Variants in WFIKKN2 observed in about 807,000 individuals in gnomAD.
The protein encoded by WFIKKN2 is WAP, Kazal, immunoglobulin, Kunitz and NTR domain-containing protein 2.
In WFIKKN2, 25 loss-of-function variants were observed where a neutral mutation model predicts 39.2. That is an observed-to-expected ratio of 0.64 (90% CI 0.47 to 0.89). The LOEUF (loss-of-function observed/expected upper bound fraction) is 0.89, where lower values mean the gene tolerates loss of function less well. Ranked by LOEUF, WFIKKN2 falls within the 40% of genes least tolerant of loss-of-function variation. The probability of loss-of-function intolerance (pLI) is 0.00; values close to 1 mark genes in which losing one functional copy is unlikely to be tolerated. For missense variants in WFIKKN2, 770 were observed against 811.7 expected, an observed-to-expected ratio of 0.95 and a Z score of 0.62; for synonymous variants, 345 against 329.7, an observed-to-expected ratio of 1.05 and a Z score of -0.50.
chr17:50,834,944 A>G (rs1046497666), upstream of WFIKKN2: 4 of 151,218 alleles, frequency 2.6e-5, no homozygotes, highest in South Asian at 2.1e-4. Context: ...ATCCTGAGAC[A>G]CTGTGACCGC....
intron 1 of WFIKKN2, 134 bp downstream of exon 1, chr17:50,836,281 G>A (rs915334194): frequency 1.6e-5 from 17 of 1,072,114 alleles, no homozygotes; most frequent in Admixed American, 7.0e-5. Context: ...AGTGTGAGGC[G>A]GACCAGGTGA....
chr17:50,839,484 C>A lies in WFIKKN2; in HGVS notation c.211-15C>A. The stretch of plus-strand genomic sequence containing the variant: ...TCCTTCTCCCTGTTCAGGCCACTCT[C>A]TCTGGCTCTTTCAGGAGTGTGAGAC... On this transcript the variant is annotated splice_polypyrimidine_tract_variant and intron_variant, in intron 1 of 1. Coordinates refer to ENST00000311378, the MANE Select transcript of WFIKKN2 (RefSeq NM_175575.6). The A allele has an allele frequency of 6.2e-7, 1 of 1,604,008 alleles. No homozygotes were observed. The highest frequency in any genetic ancestry group is 8.5e-7 in the Non-Finnish European group (1 of 1,173,934).
rs762100144 is a variant in WFIKKN2, at chr17:50,841,004, T to A, written c.1716T>A (p.Phe572Leu). The change falls in exon 2 of 2, where the codon TTT (phenylalanine) becomes TTA (leucine). Residue 572 changes from phenylalanine to leucine, a missense_variant. By Grantham distance (22) the Phe-to-Leu change is conservative. Transcript: ENST00000311378. ...AGACCTGTGACGTCCTCAAGGAGTT[T>A]CTTGGCTTGCACTGAAGCCCCCCAC... Reference protein sequence around the residue: ...HKKTCDVLKEFLGLH With the variant: ...HKKTCDVLKELLGLH 2 of 1,537,156 alleles carry A rather than the reference T, an allele frequency of 1.3e-6. No individual in the cohort carries two copies. Among genetic ancestry groups the A allele is most frequent in the South Asian group, 2.5e-5 (2 of 79,754 alleles).
In WFIKKN2 at chr17:50,835,912, G is replaced by C; in HGVS notation, c.-26G>C. 1 of 1,600,860 alleles carries C rather than the reference G, an allele frequency of 6.2e-7. No homozygotes were observed. Among genetic ancestry groups the C allele is most frequent in the Non-Finnish European group, 8.5e-7 (1 of 1,172,386 alleles). ...CAGACCCTGGCATCGTTTCAGGGGA[G>C]GTCTCTAGCCGCCCCAGCCTGCACC... On this transcript the variant is annotated 5_prime_UTR_variant, in exon 1 of 2. Coordinates refer to ENST00000311378, the MANE Select transcript of WFIKKN2 (RefSeq NM_175575.6).
Position 50,841,120 on chromosome 17 carries a change from C to T in WFIKKN2, c.*101C>T. 8.1e-7 allele frequency: 1 copy of T among 1,241,412 alleles called. No individual in the cohort carries two copies. The highest frequency in any genetic ancestry group is 1.1e-6 in the Non-Finnish European group (1 of 918,740). The allele number at this position is 1,241,412 out of a possible 1,614,324, so 76.9% of individuals were successfully genotyped here. On this transcript the variant is annotated 3_prime_UTR_variant, in exon 2 of 2. Transcript: ENST00000311378. ...GAGGTCAGATTAGACAGGCTTGGGACAGCAGGGAAACATCAACCGACGTGT... is the reference window on the plus strand; with the variant it reads ...GAGGTCAGATTAGACAGGCTTGGGATAGCAGGGAAACATCAACCGACGTGT...
At chr17:50,837,823 G>C (rs970468469) in intron 1 of WFIKKN2, among the ~76,000 whole-genome samples, 3 of 152,244 alleles carry the variant, frequency 2.0e-5, no homozygotes, top group Non-Finnish European at 4.4e-5. Context: ...CCAAGGTCAT[G>C]CCATTAGTTG....
chr17:50,838,002 C>A (rs910294895), intron 1 of WFIKKN2, among the ~76,000 whole-genome samples: 2 of 152,130 alleles, frequency 1.3e-5, no homozygotes, highest in African/African-American at 4.8e-5. Flanking sequence ...TCTAAGGACC[C>A]CCTGTAGGTT....
At chr17:50,836,201 G>A in intron 1 of WFIKKN2, 54 bp downstream of exon 1, 1 of 1,589,272 alleles carries the variant, frequency 6.3e-7, no homozygotes. Flanking sequence ...GAGTGACGGG[G>A]GTGGGAGCCG....
At chr17:50,838,672 T>C (rs992774663) in intron 1 of WFIKKN2, among the ~76,000 whole-genome samples, 1 of 152,186 alleles carries the variant, frequency 6.6e-6, no homozygotes, top group Non-Finnish European at 1.5e-5. Flanking sequence ...AAGGGGACTT[T>C]TTTTCTTGTT....
Position 50,840,845 on chromosome 17 carries a change from C to A in WFIKKN2, c.1557C>A (p.Asn519Lys). The A allele has an allele frequency of 1.2e-6, 2 of 1,611,958 alleles. No individual in the cohort carries two copies. The highest frequency in any genetic ancestry group is 2.2e-5 in the East Asian group (1 of 44,786). Residue 519 changes from asparagine (N) to lysine (K), a missense_variant, in exon 2 of 2, where the codon AAC becomes AAA. Transcript: ENST00000311378. Reference protein sequence around the residue: ...LHVDWACPCPNVTVSEMPLII... With the variant: ...LHVDWACPCPKVTVSEMPLII... The stretch of plus-strand genomic sequence containing the variant: ...TGGACTGGGCATGCCCCTGCCCCAA[C>A]GTGACCGTGAGCGAGATGCCGCTCA...
In WFIKKN2 at chr17:50,835,635, A is replaced by G; in HGVS notation, c.-303A>G. 1 of 410,028 alleles carries G rather than the reference A, an allele frequency of 2.4e-6. No individual in the cohort carries two copies. Among genetic ancestry groups the G allele is most frequent in the Middle Eastern group, 6.2e-4 (1 of 1,626 alleles). 25.4% of individuals were successfully genotyped at this position (410,028 alleles called of 1,614,324 possible). On this transcript the variant is annotated 5_prime_UTR_variant, in exon 1 of 2. Coordinates refer to ENST00000311378, the MANE Select transcript of WFIKKN2 (RefSeq NM_175575.6). ...ACAGGCATCAGGTTAGCTGGCTCCC[A>G]CTCGGGTGGCGCGCCCAGGATATAA...
At position 50,841,078 on chromosome 17, in the gene WFIKKN2, C is replaced by A; in HGVS notation, c.*59C>A. On this transcript the variant is annotated 3_prime_UTR_variant, in exon 2 of 2. Transcript: ENST00000311378. ...TTCTTCCACCTATCCACCCCAATGC[C>A]TCTCAGCAAACTGGGCGAGGTCAGA... 2 of 1,471,134 alleles carry A rather than the reference C, an allele frequency of 1.4e-6. No individual in the cohort carries two copies. The highest frequency in any genetic ancestry group is 1.8e-6 in the Non-Finnish European group (2 of 1,103,844). The allele number at this position is 1,471,134 out of a possible 1,614,324, so 91.1% of individuals were successfully genotyped here.
rs1406687845 is a variant in WFIKKN2, at chr17:50,841,192, G to T, written c.*173G>T. 3.4e-6 allele frequency: 2 copies of T among 595,420 alleles called. No individual in the cohort carries two copies. The highest frequency in any genetic ancestry group is 5.5e-6 in the Non-Finnish European group (2 of 363,514). 36.9% of individuals were successfully genotyped at this position (595,420 alleles called of 1,614,324 possible). On this transcript the variant is annotated 3_prime_UTR_variant, in exon 2 of 2. Coordinates refer to ENST00000311378, the MANE Select transcript of WFIKKN2 (RefSeq NM_175575.6). ...TCTCAGATCAGCATCTATTCTTTGG[G>T]TTCAATAAGGGGTTCATATCTTTTT...
At position 50,836,253 on chromosome 17, in the gene WFIKKN2, G is replaced by T. The variant is rs982363996; in HGVS notation, c.210+106G>T. ...TGGGAGTGTGAGGAGGACAACGTGA[G>T]TGGGGTCCAGAAGCCACAGTGTGAG... On this transcript the variant is annotated intron_variant, in intron 1 of 1. Coordinates refer to ENST00000311378, the MANE Select transcript of WFIKKN2 (RefSeq NM_175575.6). The T allele has an allele frequency of 3.7e-6, 5 of 1,342,624 alleles. No homozygotes were observed. The South Asian group carries it at 5.5e-5, about 15-fold the overall frequency. 83.2% of individuals were successfully genotyped at this position (1,342,624 alleles called of 1,614,324 possible).
intron 1 of WFIKKN2, among the ~76,000 whole-genome samples, chr17:50,837,741 C>G (rs1366548160): frequency 1.3e-5 from 2 of 152,238 alleles, no homozygotes; most frequent in East Asian, 3.8e-4. Context: ...ACAGATGCTC[C>G]CCTTGGGCAA....
rs9675120 is a variant in WFIKKN2 at position 50,839,972 on chromosome 17, C to T, written c.684C>T (p.Ser228=). The T allele has an allele frequency of 0.63, 1,013,932 of 1,614,008 alleles. 329,823 individuals are homozygous for T. Among genetic ancestry groups the T allele is most frequent in the Non-Finnish European group, 0.68 (800,013 of 1,179,988 alleles). The change falls in exon 2 of 2, where the codon AGC becomes AGT. Residue 228 remains serine (S), a synonymous_variant. Transcript: ENST00000311378. ...CGGTCACCATGGGTGAGACAGTGAG[C>T]TTCCTCTGTGATGTGGTGGGCCGGC... ...HQSVTMGETV[S]FLCDVVGRPR... is the part of the protein sequence containing the mutation.
At chr17:50,836,211 G>A (rs574707019) in intron 1 of WFIKKN2, 64 bp downstream of exon 1, 10 of 1,558,572 alleles carry the variant, frequency 6.4e-6, no homozygotes, top group Admixed American at 5.4e-5. Flanking sequence ...GGTGGGAGCC[G>A]TCGGGGAGGG....
At position 50,840,730 on chromosome 17, in the gene WFIKKN2, C is replaced by T. The variant is rs749796567; in HGVS notation, c.1442C>T (p.Ala481Val). 1.2e-6 allele frequency: 2 copies of T among 1,614,040 alleles called. No homozygotes were observed. The highest frequency in any genetic ancestry group is 1.7e-4 in the Middle Eastern group (1 of 5,952). ...ACCGAGGAGCCTGACTCGGGCCGCG[C>T]CCTGGTGACTGTGGATGAGGTCCTA... ...ELTEEPDSGR[A>V]LVTVDEVLKD... The change falls in exon 2 of 2, where the codon GCC becomes GTC. Residue 481 changes from alanine to valine, a missense_variant. Ala to Val is a moderately conservative substitution (Grantham distance 64). Transcript: ENST00000311378.
At position 50,841,355 on chromosome 17, in the gene WFIKKN2, C is replaced by T. The variant is rs538242936; in HGVS notation, c.*336C>T. 4.1e-5 allele frequency: 9 copies of T among 221,930 alleles called. No individual in the cohort carries two copies. The East Asian group carries it at 7.6e-4, about 19-fold the overall frequency. The allele number at this position is 221,930 out of a possible 1,614,324, so 13.7% of individuals were successfully genotyped here. On this transcript the variant is annotated 3_prime_UTR_variant, in exon 2 of 2. Transcript: ENST00000311378. Reference sequence around the variant, plus strand: ...CCAGTCACCCTCCCCTAGCCAGTCTCCCAGCAAGGGTTTAAGAGATGGCCG... The same window carrying T: ...CCAGTCACCCTCCCCTAGCCAGTCTTCCAGCAAGGGTTTAAGAGATGGCCG...
Sources: gnomAD v4.1 joint callset for allele counts (sites outside exome capture counted in the v4.1 genomes callset) on GRCh38, gnomAD v4.1.1 for gene constraint, MANE v1.5 for transcripts, NCBI Gene and HGNC (gene_info 2026-07-23, HGNC 2026-07-21) for gene names.